The following P2RX3 variants were observed in gnomAD, a reference collection of about 807,000 sequenced individuals.
The protein encoded by P2RX3 is purinergic receptor P2X 3, also known as P2X purinoceptor 3.
Under a neutral mutation model 51.5 loss-of-function variants are expected in P2RX3, and 41 were observed. That is an observed-to-expected ratio of 0.80 (90% confidence interval 0.62 to 1.03). The LOEUF (loss-of-function observed/expected upper bound fraction) is 1.03, where lower values mean the gene tolerates loss of function less well. Ranked by LOEUF, P2RX3 falls within the 50% of genes least tolerant of loss-of-function variation. The pLI is 0.00. For missense variants in P2RX3, 459 were observed against 522.1 expected (o/e 0.88, Z 1.18); for synonymous variants, 185 against 191.6 (o/e 0.97, Z 0.29).
chr11:57,341,570 T>A (rs1186333702), intron 1 of P2RX3, among the ~76,000 whole-genome samples: 1 of 152,120 alleles, frequency 6.6e-6, no homozygotes, highest in Non-Finnish European at 1.5e-5. Flanking sequence ...GTCCACGTGG[T>A]AATCCCCACT....
At chr11:57,349,735 C>T (rs1353994538) in intron 6 of P2RX3, 22 bp from the exon 7 acceptor site, 2 of 1,612,798 alleles carry the variant, frequency 1.2e-6, no homozygotes, top group Non-Finnish European at 1.7e-6. Flanking sequence ...CTGGGCTGAC[C>T]TCTCTCTCTG....
intron 1 of P2RX3, 47 bp from the exon 2 acceptor site, chr11:57,346,497 G>T (rs1007107472): frequency 6.2e-7 from 1 of 1,604,552 alleles, no homozygotes; most frequent in African/African-American, 1.3e-5. Context: ...TGTCTGCTGG[G>T]TCTATGGACT....
At chr11:57,350,296 CTTT>C (rs1183553337) in intron 7 of P2RX3, 72 of 108,778 alleles carry the variant, frequency 6.6e-4, no homozygotes, top group East Asian at 3.5e-3. Flanking sequence ...GAGCCACAAC[CTTT>C]TTTTTTTTTT....
At chr11:57,356,258 G>A (rs4570598) in intron 8 of P2RX3, among the ~76,000 whole-genome samples, 62,026 of 151,898 alleles carry the variant, frequency 0.41, 13,675 homozygotes, top group East Asian at 0.68. Flanking sequence ...CTTCCAGCAT[G>A]CCTTGCGCCA....
At chr11:57,336,174 A>C (rs1377326184), upstream of P2RX3, among the ~76,000 whole-genome samples, 1 of 152,164 alleles carries the variant, frequency 6.6e-6, no homozygotes, top group African/African-American at 2.4e-5. Context: ...GTTTCTCTGC[A>C]AAATAGTTTC....
chr11:57,346,660 AT>A lies in P2RX3; in HGVS notation c.238del (p.Tyr80ThrfsTer2), dbSNP rs912739434. 6.2e-7 allele frequency: 1 copy of A among 1,613,916 alleles called. No individual in the cohort carries two copies. The highest frequency in any genetic ancestry group is 1.7e-5 in the Admixed American group (1 of 59,998). On this transcript the variant is annotated frameshift_variant, in exon 2 of 12. Coordinates refer to ENST00000263314, the MANE Select transcript of P2RX3 (RefSeq NM_002559.5). LOFTEE classifies it high-confidence loss of function. ...GCCAACAGAGTCATGGATGTGTCTG[AT>A]TACGTGACGCCACCTCAGGTATGGT... is the stretch of plus-strand genomic sequence containing the variant. Reference protein sequence around the residue: ...LYANRVMDVSDYVTPPQGTSV... With the variant: ...LYANRVMDVSXYVTPPQGTSV...
chr11:57,366,006 G>A (rs1409620184), intron 8 of P2RX3, among the ~76,000 whole-genome samples: 1 of 152,176 alleles, frequency 6.6e-6, no homozygotes, highest in Non-Finnish European at 1.5e-5. Flanking sequence ...AATCTGTGGG[G>A]ACTGGAGACA....
At chr11:57,357,003 T>C (rs1856641230) in intron 8 of P2RX3, among the ~76,000 whole-genome samples, 1 of 148,902 alleles carries the variant, frequency 6.7e-6, no homozygotes, top group Non-Finnish European at 1.5e-5. Flanking sequence ...TGTGTGATTA[T>C]CTTGTTGACC....
chr11:57,369,938 G>A lies in P2RX3; in HGVS notation c.1135G>A (p.Asp379Asn), dbSNP rs771077034. 4.3e-6 allele frequency: 7 copies of A among 1,613,956 alleles called. No homozygotes were observed. The highest frequency in any genetic ancestry group is 1.7e-5 in the Admixed American group (1 of 60,004). Reference protein sequence around the residue: ...AALTNPVYPSDQTTAEKQSTD... With the variant: ...AALTNPVYPSNQTTAEKQSTD... The stretch of plus-strand genomic sequence containing the variant: ...TTTGACCAACCCAGTGTACCCCAGC[G>A]ACCAGACCACAGCGGAGAAGCAGTC... The change falls in exon 12 of 12, where the codon GAC (aspartate) becomes AAC (asparagine). Residue 379 changes from aspartate to asparagine, a missense_variant. Transcript: ENST00000263314.
intron 8 of P2RX3, among the ~76,000 whole-genome samples, chr11:57,359,039 G>C (rs1856674761): frequency 6.6e-6 from 1 of 152,170 alleles, no homozygotes; most frequent in Non-Finnish European, 1.5e-5. Flanking sequence ...GCTGGGGTTT[G>C]TGAAGAAATT....
At chr11:57,352,546 T>C (rs1474116619) in intron 8 of P2RX3, among the ~76,000 whole-genome samples, 1 of 152,222 alleles carries the variant, frequency 6.6e-6, no homozygotes, top group Non-Finnish European at 1.5e-5. Flanking sequence ...GGGAATTCTT[T>C]AATCCTCCAA....
intron 4 of P2RX3, 68 bp downstream of exon 4, chr11:57,347,546 G>T (rs114290075): frequency 1.3e-6 from 2 of 1,499,826 alleles, no homozygotes; most frequent in Non-Finnish European, 1.8e-6. Context: ...AGAGCCCGTC[G>T]TTGGAGAGGG....
chr11:57,352,983 G>A (rs937154159), intron 8 of P2RX3, among the ~76,000 whole-genome samples: 1 of 152,176 alleles, frequency 6.6e-6, no homozygotes, highest in African/African-American at 2.4e-5. Flanking sequence ...TGACATTGGG[G>A]GACATCTGAT....
Position 57,348,266 on chromosome 11 carries a change from A to G in P2RX3, c.485+3A>G. 6.3e-7 allele frequency: 1 copy of G among 1,596,906 alleles called. No homozygotes were observed. Among genetic ancestry groups the G allele is most frequent in the Non-Finnish European group, 8.5e-7 (1 of 1,172,086 alleles). ...ACGGAGGTGGACACAGTGGAAACGT[A>G]AGGCTCCAAGCCAGACAGGAGGAGA... is the stretch of plus-strand genomic sequence containing the variant. On this transcript the variant is annotated splice_donor_region_variant and intron_variant, in intron 5 of 11. Transcript: ENST00000263314.
rs1277251025 is a variant in P2RX3, at chr11:57,370,054, C to A, written c.*57C>A. On this transcript the variant is annotated 3_prime_UTR_variant, in exon 12 of 12. Transcript: ENST00000263314. ...GCTCCAGGCCTCCCCACAGAGGACCCTGCCTGAGCAAGGGGCATGGGAGGG... is the reference window on the plus strand; with the variant it reads ...GCTCCAGGCCTCCCCACAGAGGACCATGCCTGAGCAAGGGGCATGGGAGGG... 16 of 1,199,082 alleles carry A rather than the reference C, an allele frequency of 1.3e-5. No homozygotes were observed. The highest frequency in any genetic ancestry group is 1.7e-5 in the Non-Finnish European group (15 of 861,130). The allele number at this position is 1,199,082 out of a possible 1,614,324, so 74.3% of individuals were successfully genotyped here.
chr11:57,360,003 G>A (rs975464378), intron 8 of P2RX3, among the ~76,000 whole-genome samples: 3 of 152,204 alleles, frequency 2.0e-5, no homozygotes, highest in Admixed American at 1.3e-4. Context: ...GACTCAGAGA[G>A]GTAATTCACC....
chr11:57,362,493 G>A (rs761878331), intron 8 of P2RX3, among the ~76,000 whole-genome samples: 5 of 152,200 alleles, frequency 3.3e-5, no homozygotes, highest in Non-Finnish European at 7.3e-5. Context: ...TCCTGACACT[G>A]CATGGCCCCC....
At chr11:57,356,297 A>G (rs1296334454) in intron 8 of P2RX3, among the ~76,000 whole-genome samples, 1 of 152,216 alleles carries the variant, frequency 6.6e-6, no homozygotes, top group East Asian at 1.9e-4. Flanking sequence ...AGGGGAAAAA[A>G]AAATAGCTCT....
chr11:57,363,912 C>A (rs1243276678), intron 8 of P2RX3, among the ~76,000 whole-genome samples: 1 of 152,204 alleles, frequency 6.6e-6, no homozygotes, highest in African/African-American at 2.4e-5. Flanking sequence ...ATGATCTTAC[C>A]ATGCTTATTG....
Sources: allele counts gnomAD v4.1 joint callset (sites outside exome capture counted in the v4.1 genomes callset), GRCh38; gene constraint gnomAD v4.1.1; transcripts MANE v1.5; gene names NCBI Gene and HGNC (gene_info 2026-07-23, HGNC 2026-07-21).